Variants in CYP27B1 observed in about 807,000 individuals in gnomAD.
The protein encoded by CYP27B1 is 25-hydroxyvitamin D-1 alpha hydroxylase, mitochondrial.
A neutral mutation model predicts 54.8 loss-of-function variants in CYP27B1; 46 were observed. That is an observed-to-expected ratio of 0.84 (90% CI 0.66 to 1.07). CYP27B1 has a LOEUF of 1.07. CYP27B1 is among the 50% of genes least tolerant of loss of function. The pLI, the probability that CYP27B1 is intolerant of heterozygous loss-of-function variation, is 0.00. For synonymous variants in CYP27B1, 292 were observed against 297.3 expected (o/e 0.98, Z 0.18); for missense variants, 674 against 692.2 (o/e 0.97, Z 0.30).
Position 57,763,082 on chromosome 12 carries a change from C to T in CYP27B1, c.*60G>A. ...GATGTATACCTTGGTCTTGTGCCTA[C>T]AAAAAATCTTATCCCTATGATGAAT... is the stretch of plus-strand genomic sequence containing the variant. On this transcript the variant is annotated 3_prime_UTR_variant, in exon 9 of 9. Transcript: ENST00000228606. The T allele has an allele frequency of 7.9e-7, 1 of 1,271,596 alleles. No homozygotes were observed. Among genetic ancestry groups the T allele is most frequent in the African/African-American group, 1.5e-5 (1 of 68,260 alleles). 78.8% of individuals were successfully genotyped at this position (1,271,596 alleles called of 1,614,324 possible).
At chr12:57,766,266 C>T (rs1489862055) in intron 1 of CYP27B1, 69 bp from the exon 2 acceptor site, 3 of 1,455,846 alleles carry the variant, frequency 2.1e-6, no homozygotes, top group Non-Finnish European at 2.7e-6. Context: ...TGTGCCCACG[C>T]CAAGGGCGTT....
chr12:57,763,835 A>G lies in CYP27B1; in HGVS notation c.1216-27T>C, dbSNP rs531984918. On this transcript the variant is annotated intron_variant, in intron 7 of 8. Coordinates refer to ENST00000228606, the MANE Select transcript of CYP27B1 (RefSeq NM_000785.4). ...TGGTGCAAAGGAAAACAAACTTGTC[A>G]GTTTGGGCTCAGAATAGGGCAGGCA... is the stretch of plus-strand genomic sequence containing the variant. 8.6e-5 allele frequency: 139 copies of G among 1,610,770 alleles called. No homozygotes were observed. In the South Asian group the frequency reaches 1.2e-3, roughly 14 times the overall value.
intron 7 of CYP27B1, 94 bp from the exon 8 acceptor site, chr12:57,763,902 G>A: frequency 1.5e-6 from 2 of 1,334,960 alleles, no homozygotes; most frequent in Admixed American, 3.8e-5. Flanking sequence ...GCAGGTCCTG[G>A]TGGGTGATGG....
rs777612495 is a variant in CYP27B1, at chr12:57,765,432, C to T, written c.454G>A (p.Ala152Thr). 2 of 1,612,832 alleles carry T rather than the reference C, an allele frequency of 1.2e-6. No homozygotes were observed. The highest frequency in any genetic ancestry group is 1.7e-6 in the Non-Finnish European group (2 of 1,179,532). The change falls in exon 3 of 9, where the codon GCC becomes ACC. Residue 152 changes from alanine (A) to threonine (T), a missense_variant. Physicochemically the swap from Ala to Thr is moderately conservative, Grantham distance 58. Coordinates refer to ENST00000228606, the MANE Select transcript of CYP27B1 (RefSeq NM_000785.4). The surrounding 1 kb of genome is among the most constrained non-coding windows in gnomAD (Gnocchi z 5.8). ...APLLLRPQAA[A>T]RYAGTLNNVV... ...TTGTTCAGGGTTCCGGCGTAGCGGG[C>T]GGCCGCTTGAGGCCGGAGGAGGAGC...
rs772982189 is a variant in CYP27B1, at chr12:57,764,427, C to T, written c.1087G>A (p.Val363Ile). The change falls in exon 6 of 9, where the codon GTT becomes ATT. Residue 363 changes from valine to isoleucine, a missense_variant. By Grantham distance (29) the Val-to-Ile change is conservative (BLOSUM62 3). Transcript: ENST00000228606. ...TTCAGCAGGGGCAGCTGGGACAGAACAGTGGCTGAGGGGTAGGCACTGGAG... is the reference window on the plus strand; with the variant it reads ...TTCAGCAGGGGCAGCTGGGACAGAATAGTGGCTGAGGGGTAGGCACTGGAG... ...PGSSAYPSAT[V>I]LSQLPLLKAV... 6.2e-7 allele frequency: 1 copy of T among 1,614,228 alleles called. No homozygotes were observed. The highest frequency in any genetic ancestry group is 8.5e-7 in the Non-Finnish European group (1 of 1,180,046).
intron 7 of CYP27B1, 141 bp from the exon 8 acceptor site, chr12:57,763,949 C>T (rs1424588570): frequency 3.0e-5 from 32 of 1,072,976 alleles, no homozygotes; most frequent in Non-Finnish European, 1.1e-5. Context: ...AGGATCTCCC[C>T]ACTGTTCCAT....
At chr12:57,764,301 C>T (rs1955340735) in intron 6 of CYP27B1, 77 bp downstream of exon 6, 1 of 1,594,500 alleles carries the variant, frequency 6.3e-7, no homozygotes, top group Non-Finnish European at 8.6e-7. Context: ...TCTGCTATCT[C>T]CCTGCTTCCA....
intron 7 of CYP27B1, 99 bp downstream of exon 7, chr12:57,763,999 G>C: frequency 8.8e-7 from 1 of 1,132,526 alleles, no homozygotes; most frequent in South Asian, 1.3e-5. Context: ...GGGTCAAGGG[G>C]AGTGTTTGAA....
chr12:57,764,344 AT>A, intron 6 of CYP27B1, 33 bp downstream of exon 6: 1 of 1,613,686 alleles, frequency 6.2e-7, no homozygotes, highest in Non-Finnish European at 8.5e-7. Context: ...CTTCCTTGGC[AT>A]TTCCTCTTGT....
chr12:57,766,034 C>T lies in CYP27B1; in HGVS notation c.359G>A (p.Arg120His), dbSNP rs928099706. The T allele has an allele frequency of 6.4e-7, 1 of 1,569,164 alleles. No individual in the cohort carries two copies. The highest frequency in any genetic ancestry group is 2.3e-5 in the East Asian group (1 of 43,318). ...AGTGAGCAGTCCGCAAGCCCGCTGG[C>T]GGCAGCGGCGGTGCTCCGTCCAGGG... ...FSPWTEHRRC[R>H]QRACGLLTAE... Residue 120 changes from arginine to histidine, a missense_variant, in exon 2 of 9, where the codon CGC (arginine) becomes CAC (histidine). Arg to His is a conservative substitution (Grantham distance 29). Transcript: ENST00000228606.
At chr12:57,766,271 G>A in intron 1 of CYP27B1, 74 bp from the exon 2 acceptor site, 1 of 1,445,536 alleles carries the variant, frequency 6.9e-7, no homozygotes, top group South Asian at 1.4e-5. Flanking sequence ...CCACGCCAAG[G>A]GCGTTGACTG....
In CYP27B1 at chr12:57,764,478, C is replaced by T. The variant is rs1369686745; in HGVS notation, c.1036G>A (p.Glu346Lys). Residue 346 changes from glutamate (E) to lysine (K), a missense_variant, in exon 6 of 9, where the codon GAG becomes AAG. Transcript: ENST00000228606. Reference sequence around the variant, plus strand: ...CCAGGGCTCAGGGCAGCTGTGATCTCTGAGTGGAGTGCTGTCTGGACTTCG... The same window carrying T: ...CCAGGGCTCAGGGCAGCTGTGATCTTTGAGTGGAGTGCTGTCTGGACTTCG... ...HPEVQTALHS[E>K]ITAALSPGSS... The T allele has an allele frequency of 1.2e-6, 2 of 1,614,202 alleles. No individual in the cohort carries two copies. Among genetic ancestry groups the T allele is most frequent in the African/African-American group, 1.3e-5 (1 of 75,058 alleles).
Position 57,763,191 on chromosome 12 carries a change from G to A in CYP27B1, c.1478C>T (p.Thr493Ile). 6.2e-7 allele frequency: 1 copy of A among 1,614,214 alleles called. No individual in the cohort carries two copies. Among genetic ancestry groups the A allele is most frequent in the Non-Finnish European group, 8.5e-7 (1 of 1,180,020 alleles). ...GATGCTCCTTTCAGGTACCAGGACAGTCCGGGTCTTGGGTCTAACTGGGGC... is the reference window on the plus strand; with the variant it reads ...GATGCTCCTTTCAGGTACCAGGACAATCCGGGTCTTGGGTCTAACTGGGGC... ...GAAPVRPKTR[T>I]VLVPERSINL... Residue 493 changes from threonine (T) to isoleucine (I), a missense_variant, in exon 9 of 9, where the codon ACT becomes ATT. Coordinates refer to ENST00000228606, the MANE Select transcript of CYP27B1 (RefSeq NM_000785.4).
Position 57,763,677 on chromosome 12 carries a change from G to A in CYP27B1, c.1347C>T (p.Gly449=), listed in dbSNP as rs1235706462. ...TPHPFASLPF[G]FGKRSCMGRR... ...TCCCCATACAGCTGCGCTTGCCAAA[G>A]CCAAAGGGAAGAGATGCAAATGGGT... Residue 449 remains glycine, a synonymous_variant, in exon 8 of 9, where the codon GGC becomes GGT. Transcript: ENST00000228606. 3.1e-6 allele frequency: 5 copies of A among 1,608,472 alleles called. No individual in the cohort carries two copies. Among genetic ancestry groups the A allele is most frequent in the Non-Finnish European group, 4.3e-6 (5 of 1,175,820 alleles).
At position 57,762,430 on chromosome 12, in the gene CYP27B1, T is replaced by C. The variant is rs1227985751; in HGVS notation, c.*712A>G. Reference sequence around the variant, plus strand: ...GCCTGGGCAGGGACAGGCCCAAAGATGTCTCTGCCTGAGAACTAAGTGATG... The same window carrying C: ...GCCTGGGCAGGGACAGGCCCAAAGACGTCTCTGCCTGAGAACTAAGTGATG... On this transcript the variant is annotated 3_prime_UTR_variant, in exon 9 of 9. Coordinates refer to ENST00000228606, the MANE Select transcript of CYP27B1 (RefSeq NM_000785.4). 2.0e-5 allele frequency: 3 copies of C among 152,428 alleles called. No individual in the cohort carries two copies. The highest frequency in any genetic ancestry group is 4.4e-5 in the Non-Finnish European group (3 of 68,198). The allele number at this position is 152,428 out of a possible 1,614,324, so 9.4% of individuals were successfully genotyped here.
In CYP27B1 at chr12:57,766,984, C is replaced by A; in HGVS notation, c.58G>T (p.Glu20Ter). Residue 20 changes from glutamate to a stop codon, truncating the protein, a stop_gained, in exon 1 of 9, where the codon GAG becomes TAG. Transcript: ENST00000228606. LOFTEE classifies it high-confidence loss of function. ...CGGTAGCCTAGGGAGGCGCCCAACT[C>A]GGGCGCCCAGCGGACGCGATGGAAC... Reference protein sequence around the residue: ...RVFHRVRWAPELGASLGYREY... With the variant: ...RVFHRVRWAP The A allele has an allele frequency of 6.2e-7, 1 of 1,614,138 alleles. No individual in the cohort carries two copies. The highest frequency in any genetic ancestry group is 1.1e-5 in the South Asian group (1 of 91,084).
chr12:57,765,480 T>C lies in CYP27B1; in HGVS notation c.406A>G (p.Arg136Gly). 6.2e-7 allele frequency: 1 copy of C among 1,611,720 alleles called. No individual in the cohort carries two copies. The highest frequency in any genetic ancestry group is 8.5e-7 in the Non-Finnish European group (1 of 1,179,168). The change falls in exon 3 of 9, where the codon AGG becomes GGG. Residue 136 changes from arginine to glycine, a missense_variant. Coordinates refer to ENST00000228606, the MANE Select transcript of CYP27B1 (RefSeq NM_000785.4). This position sits in a 1 kb window ranked among gnomAD's most constrained non-coding sequence, Gnocchi z 5.8. ...AGCGGGGCCAGGAGACTGCGGAGCC[T>C]TTGCCATTCTTCGCCTTCCCTGCAG... ...LLTAEGEEWQ[R>G]LRSLLAPLLL...
At position 57,764,857 on chromosome 12, in the gene CYP27B1, A is replaced by G. The variant is rs760071258; in HGVS notation, c.860T>C (p.Leu287Pro). 6.8e-6 allele frequency: 11 copies of G among 1,614,020 alleles called. No homozygotes were observed. The highest frequency in any genetic ancestry group is 1.3e-5 in the African/African-American group (1 of 74,902). ...MRNGGQPEKD[L>P]ESGAHLTHFL... ...GTGGGTCAGGTGCGCCCCAGACTCC[A>G]GGTCCTTCTCGGGCTGTCCTCCGTT... is the stretch of plus-strand genomic sequence containing the variant. Residue 287 changes from leucine (L) to proline (P), a missense_variant, in exon 5 of 9, where the codon CTG becomes CCG. Transcript: ENST00000228606.
Position 57,764,674 on chromosome 12 carries a change from C to T in CYP27B1, c.963+80G>A, listed in dbSNP as rs752016201. 5.6e-6 allele frequency: 9 copies of T among 1,601,392 alleles called. No homozygotes were observed. In the South Asian group the frequency reaches 7.7e-5, roughly 14 times the overall value. On this transcript the variant is annotated intron_variant, in intron 5 of 8. Coordinates refer to ENST00000228606, the MANE Select transcript of CYP27B1 (RefSeq NM_000785.4). ...CTGGTCTACGTGGCCATAATGGATC[C>T]CCTGCAACAGAAAAATGGAGCCGGA... is the stretch of plus-strand genomic sequence containing the variant.
Sources: allele counts gnomAD v4.1 joint callset, GRCh38; gene constraint gnomAD v4.1.1; non-coding constraint Gnocchi (gnomAD v3.1); transcripts MANE v1.5; gene names NCBI Gene and HGNC (gene_info 2026-07-23, HGNC 2026-07-21).